Variants in BBX observed in about 807,000 individuals in gnomAD.
BBX encodes HMG box transcription factor BBX.
BBX carries 30 observed loss-of-function variants against 100.2 expected under a neutral mutation model. That is an observed-to-expected ratio of 0.30 (90% CI 0.22 to 0.41). The LOEUF (loss-of-function observed/expected upper bound fraction) is 0.41. Among genes scored for constraint, BBX ranks in the 10% least tolerant of loss-of-function variants. The probability of loss-of-function intolerance (pLI) is 1.00; values close to 1 mark genes in which losing one functional copy is unlikely to be tolerated. For missense variants in BBX, 1,023 were observed against 1,129.8 expected, an observed-to-expected ratio of 0.91 and a Z score of 1.35; for synonymous variants, 376 against 388.1, an observed-to-expected ratio of 0.97 and a Z score of 0.37.
intron 2 of BBX, among the ~76,000 whole-genome samples, chr3:107,634,158 A>C (rs2107739116): frequency 6.6e-6 from 1 of 152,368 alleles, no homozygotes; most frequent in South Asian, 2.1e-4. Flanking sequence ...TTATATAAAC[A>C]GATAAAGATG....
chr3:107,589,475 G>T (rs2053132559), intron 2 of BBX, among the ~76,000 whole-genome samples: 1 of 152,122 alleles, frequency 6.6e-6, no homozygotes, highest in South Asian at 2.1e-4. Context: ...AAGTTATTTG[G>T]TCCTCCAGAT....
At chr3:107,540,433 A>G (rs1028664544) in intron 2 of BBX, among the ~76,000 whole-genome samples, 9 of 152,032 alleles carry the variant, frequency 5.9e-5, no homozygotes, top group African/African-American at 2.2e-4. Flanking sequence ...GAATCGAATT[A>G]CTCCGTTTTA....
At chr3:107,556,932 G>T (rs1276089661) in intron 2 of BBX, among the ~76,000 whole-genome samples, 2 of 152,144 alleles carry the variant, frequency 1.3e-5, no homozygotes, top group Non-Finnish European at 2.9e-5. Flanking sequence ...GCTCAGGTTT[G>T]TTGAAGTTTC....
At chr3:107,654,722 G>T (rs2058038209) in intron 3 of BBX, among the ~76,000 whole-genome samples, 1 of 152,028 alleles carries the variant, frequency 6.6e-6, no homozygotes, top group African/African-American at 2.4e-5. Context: ...TGACTGTAGG[G>T]TGATCTCTTA....
chr3:107,729,774 T>C (rs1475757442), intron 6 of BBX, among the ~76,000 whole-genome samples: 2 of 152,128 alleles, frequency 1.3e-5, no homozygotes, highest in African/African-American at 4.8e-5. Flanking sequence ...TATTGAACTA[T>C]TTGCATATGG....
chr3:107,595,257 C>T (rs761867820), intron 2 of BBX, among the ~76,000 whole-genome samples: 1 of 152,130 alleles, frequency 6.6e-6, no homozygotes, highest in Admixed American at 6.5e-5. Flanking sequence ...CAGAGTTGCA[C>T]AGAGGATCAA....
intron 3 of BBX, among the ~76,000 whole-genome samples, chr3:107,692,205 A>G (rs2060222410): frequency 7.9e-6 from 1 of 125,924 alleles, no homozygotes; most frequent in Non-Finnish European, 1.6e-5. Flanking sequence ...TTTATTTATT[A>G]TTATTATACT....
intron 6 of BBX, among the ~76,000 whole-genome samples, chr3:107,732,116 G>T (rs1017959442): frequency 6.6e-6 from 1 of 152,004 alleles, no homozygotes; most frequent in African/African-American, 2.4e-5. Context: ...GCAGTGTTGC[G>T]ATCTTAGCTC....
At chr3:107,575,344 G>A (rs1170905388) in intron 2 of BBX, among the ~76,000 whole-genome samples, 1 of 151,980 alleles carries the variant, frequency 6.6e-6, no homozygotes, top group Non-Finnish European at 1.5e-5. Context: ...AGATTTTTTT[G>A]ACATTCTCTT....
At chr3:107,529,762 A>G (rs1405489353) in intron 2 of BBX, among the ~76,000 whole-genome samples, 1 of 152,192 alleles carries the variant, frequency 6.6e-6, no homozygotes, top group African/African-American at 2.4e-5. Context: ...ATGCCAGTAC[A>G]TCATTTTAAA....
intron 3 of BBX, among the ~76,000 whole-genome samples, chr3:107,647,508 A>G (rs1250204941): frequency 6.6e-6 from 1 of 152,230 alleles, no homozygotes; most frequent in African/African-American, 2.4e-5. Context: ...AAAATTTAAA[A>G]TGGAACCTTA....
chr3:107,702,582 G>T (rs2061145244), intron 3 of BBX, among the ~76,000 whole-genome samples: 1 of 152,044 alleles, frequency 6.6e-6, no homozygotes, highest in Non-Finnish European at 1.5e-5. Context: ...AGAAATCTTT[G>T]CTCTGACAGA....
At position 107,728,959 on chromosome 3, in the gene BBX, T is replaced by C. The variant is rs886453653; in HGVS notation, c.600T>C (p.Ala200=). Residue 200 remains alanine (A), a splice_region_variant and synonymous_variant, in exon 6 of 18, where the codon GCT becomes GCC. Coordinates refer to ENST00000325805, the MANE Select transcript of BBX (RefSeq NM_001142568.3). The stretch of plus-strand genomic sequence containing the variant: ...TGCCTCAGCTTAACTTTGGAATGGC[T>C]GGTGAGTTGAGACACTATTTCCACC... ...EEMPQLNFGM[A]DPTQMGGLSM... is the part of the protein sequence containing the mutation. 3.1e-6 allele frequency: 5 copies of C among 1,612,942 alleles called. No homozygotes were observed. In the Middle Eastern group the frequency reaches 5.0e-4, roughly 160 times the overall value.
chr3:107,788,759 G>A (rs2068693081), intron 13 of BBX, among the ~76,000 whole-genome samples: 1 of 152,076 alleles, frequency 6.6e-6, no homozygotes, highest in African/African-American at 2.4e-5. Context: ...TGGTGACAGA[G>A]TGAGACCCTG....
At position 107,755,530 on chromosome 3, in the gene BBX, A is replaced by G. The variant is rs1448688127; in HGVS notation, c.826-68A>G. ...GTAACTAAGAAAAATTCCTGAATGT[A>G]TATGAATGAGAAGCAAAGATTCTGG... is the stretch of plus-strand genomic sequence containing the variant. On this transcript the variant is annotated intron_variant, in intron 9 of 17. Coordinates refer to ENST00000325805, the MANE Select transcript of BBX (RefSeq NM_001142568.3). The G allele has an allele frequency of 2.9e-6, 4 of 1,387,366 alleles. No homozygotes were observed. In the East Asian group the frequency reaches 9.1e-5, roughly 32 times the overall value. 85.9% of individuals were successfully genotyped at this position (1,387,366 alleles called of 1,614,324 possible).
chr3:107,536,016 C>T (rs146779159), intron 2 of BBX, among the ~76,000 whole-genome samples: 44 of 152,316 alleles, frequency 2.9e-4, no homozygotes, highest in African/African-American at 9.6e-4. Flanking sequence ...AAAGGCAGTT[C>T]CATATTAGTG....
At chr3:107,701,320 C>G (rs2061033163) in intron 3 of BBX, among the ~76,000 whole-genome samples, 1 of 152,160 alleles carries the variant, frequency 6.6e-6, no homozygotes, top group Admixed American at 6.5e-5. Context: ...CTGGTCCCAT[C>G]ATGTGCTGGC....
intron 2 of BBX, chr3:107,599,232 T>TAGAAGCAGCCAGTACTGTCTGTGCTTCG: frequency 6.6e-6 from 1 of 152,384 alleles, no homozygotes; most frequent in Non-Finnish European, 1.5e-5. Context: ...AATAAGTAAC[T>TAGAAGCAGCCAGTACTGTCTGTGCTTCG]AGAAGCAGCC....
At position 107,811,204 on chromosome 3, in the gene BBX, G is replaced by T. The variant is rs1559846167; in HGVS notation, c.*5747G>T. The T allele has an allele frequency of 6.6e-6, 1 of 152,086 alleles. No homozygotes were observed. The highest frequency in any genetic ancestry group is 1.5e-5 in the Non-Finnish European group (1 of 68,010). 9.4% of individuals were successfully genotyped at this position (152,086 alleles called of 1,614,324 possible). A position where few individuals can be genotyped will look rare whatever the true frequency, so the allele number is the denominator to read the frequency against. ...TAATAAAACTTTGAAATATTTTAAA[G>T]ATATTATTCAAATATATTTCTTTAT... On this transcript the variant is annotated 3_prime_UTR_variant, in exon 18 of 18. Coordinates refer to ENST00000325805, the MANE Select transcript of BBX (RefSeq NM_001142568.3).
Sources: allele counts gnomAD v4.1 joint callset (sites outside exome capture counted in the v4.1 genomes callset), GRCh38; gene constraint gnomAD v4.1.1; transcripts MANE v1.5; gene names NCBI Gene and HGNC (gene_info 2026-07-23, HGNC 2026-07-21).